The following TSHZ2 variants were observed in gnomAD, a reference collection of about 807,000 sequenced individuals.
TSHZ2 encodes the protein teashirt zinc finger homeobox 2.
TSHZ2 carries 21 observed loss-of-function variants against 74.4 expected under a neutral mutation model. That is an observed-to-expected ratio of 0.28 (90% CI 0.20 to 0.41). The LOEUF is 0.41. Among genes scored for constraint, TSHZ2 ranks in the 10% least tolerant of loss-of-function variants. The probability of loss-of-function intolerance (pLI) is 1.00; values close to 1 mark genes in which losing one functional copy is unlikely to be tolerated. For missense variants in TSHZ2, 1,244 were observed against 1,293.5 expected, an observed-to-expected ratio of 0.96 and a Z score of 0.59; for synonymous variants, 540 against 515.3, an observed-to-expected ratio of 1.05 and a Z score of -0.65.
At chr20:53,344,533 T>C (rs756362541) in intron 2 of TSHZ2, among the ~76,000 whole-genome samples, 2 of 152,046 alleles carry the variant, frequency 1.3e-5, no homozygotes, top group Non-Finnish European at 2.9e-5. Flanking sequence ...AAAGTCAAGC[T>C]GATCATTGGT....
At chr20:53,130,203 T>A (rs1987064329) in intron 1 of TSHZ2, among the ~76,000 whole-genome samples, 1 of 150,114 alleles carries the variant, frequency 6.7e-6, no homozygotes, top group African/African-American at 2.5e-5. Context: ...GTGTCTTGCA[T>A]GTGAACTGTA....
chr20:53,121,429 T>TGAGTACAAATAA (rs56060906), intron 1 of TSHZ2, among the ~76,000 whole-genome samples: 114,097 of 151,842 alleles, frequency 0.75, 43,270 homozygotes, highest in East Asian at 1. Context: ...CAGAGGATTA[T>TGAGTACAAATAA]GTTTCAGTCC....
intron 2 of TSHZ2, among the ~76,000 whole-genome samples, chr20:53,281,889 A>G (rs1419485309): frequency 1.3e-5 from 2 of 152,312 alleles, no homozygotes; most frequent in East Asian, 3.9e-4. Context: ...GCTCAAGGAT[A>G]GCCAGGGGTA....
At chr20:53,139,181 T>C (rs1036185247) in intron 1 of TSHZ2, among the ~76,000 whole-genome samples, 1 of 152,220 alleles carries the variant, frequency 6.6e-6, no homozygotes, top group Non-Finnish European at 1.5e-5. Context: ...AGACTTACTA[T>C]AACTGCTTGC....
At position 53,256,575 on chromosome 20, in the gene TSHZ2, T is replaced by G; in HGVS notation, c.*8+4T>G. 2 of 1,566,632 alleles carry G rather than the reference T, an allele frequency of 1.3e-6. No homozygotes were observed. The highest frequency in any genetic ancestry group is 1.7e-5 in the Admixed American group (1 of 57,544). ...TGGATGAAGAATAGCTCTGCAGGTA[T>G]GGGTTTGCTCTGAGGCATTGCGATT... On this transcript the variant is annotated splice_donor_region_variant and intron_variant, in intron 2 of 2. Coordinates refer to ENST00000371497, the MANE Select transcript of TSHZ2 (RefSeq NM_173485.6). This position sits in a 1 kb window ranked among gnomAD's most constrained non-coding sequence, Gnocchi z 4.3.
intron 2 of TSHZ2, among the ~76,000 whole-genome samples, chr20:53,447,806 T>C (rs1984612577): frequency 1.3e-5 from 2 of 152,244 alleles, no homozygotes; most frequent in African/African-American, 4.8e-5. Context: ...CTCTCCTCGG[T>C]GCCTCATATT....
intron 1 of TSHZ2, among the ~76,000 whole-genome samples, chr20:53,242,567 A>G (rs1990095829): frequency 6.6e-6 from 1 of 152,174 alleles, no homozygotes; most frequent in Non-Finnish European, 1.5e-5. Flanking sequence ...AGGTGTCACA[A>G]TTGCGGGCTC....
At chr20:53,101,946 T>C (rs973362945) in intron 1 of TSHZ2, among the ~76,000 whole-genome samples, 10 of 148,884 alleles carry the variant, frequency 6.7e-5, no homozygotes, top group Admixed American at 6.0e-4. Flanking sequence ...GGAGCGTCTT[T>C]TGAAATTTGT....
chr20:53,090,047 G>A (rs529127844), intron 1 of TSHZ2, among the ~76,000 whole-genome samples: 18 of 152,322 alleles, frequency 1.2e-4, no homozygotes, highest in African/African-American at 9.6e-5. Flanking sequence ...GTTTGTGGCC[G>A]AAGGCCCAAG....
At position 53,487,919 on chromosome 20, in the gene TSHZ2, T is replaced by C. The variant is rs1381510283; in HGVS notation, c.*784T>C. ...TTGATTGGCTGAAAAAAAAATAGTT[T>C]TAAGCACACACCACTGTCTATGAGA... On this transcript the variant is annotated 3_prime_UTR_variant, in exon 3 of 3. Transcript: ENST00000371497. 1.3e-5 allele frequency: 2 copies of C among 152,148 alleles called. No individual in the cohort carries two copies. The highest frequency in any genetic ancestry group is 6.5e-5 in the Admixed American group (1 of 15,268). The allele number at this position is 152,148 out of a possible 1,614,324, so 9.4% of individuals were successfully genotyped here.
Position 53,289,147 on chromosome 20 carries a change from A to C in TSHZ2, c.*8+32576A>C, listed in dbSNP as rs77197558. Among the ~76,000 whole-genome samples the C allele has an allele frequency of 1.6e-4, 24 of 151,860 alleles. No homozygotes were observed. The East Asian group carries it at 3.1e-3, about 20-fold the overall frequency. ...AGATAGCTGCAAATTCCATGATTTC[A>C]CTCCTTTTTATGGCTGAGTAGTATT... On this transcript the variant is annotated intron_variant, in intron 2 of 2. Transcript: ENST00000371497.
chr20:53,157,879 T>A (rs1304626953), intron 1 of TSHZ2, among the ~76,000 whole-genome samples: 1 of 152,136 alleles, frequency 6.6e-6, no homozygotes, highest in Non-Finnish European at 1.5e-5. Context: ...TAGTAAAGGT[T>A]CCTGACCTCA....
Position 52,973,297 on chromosome 20 carries a change from C to T in TSHZ2, c.4C>T (p.Pro2Ser). The stretch of plus-strand genomic sequence containing the variant: ...TGGGACTGGAGCGAAGTAGAGGATG[C>T]CGAGGAGAAAACAGCAGGCACCCAA... M[P>S]RRKQQAPKRA... is the part of the protein sequence containing the mutation. Residue 2 changes from proline (P) to serine (S), a missense_variant, in exon 1 of 3, where the codon CCG (proline) becomes TCG (serine). By Grantham distance (74) the Pro-to-Ser change is moderately conservative. Around this residue, in one of 6 missense-constraint regions of TSHZ2, gnomAD observed 5 missense variants for 18.6 expected, o/e 0.27. Coordinates refer to ENST00000371497, the MANE Select transcript of TSHZ2 (RefSeq NM_173485.6). The T allele has an allele frequency of 6.4e-7, 1 of 1,552,986 alleles. No homozygotes were observed. The highest frequency in any genetic ancestry group is 1.7e-4 in the Middle Eastern group (1 of 5,978).
At chr20:53,451,074 A>G (rs1379193909) in intron 2 of TSHZ2, among the ~76,000 whole-genome samples, 2 of 152,162 alleles carry the variant, frequency 1.3e-5, no homozygotes, top group Non-Finnish European at 2.9e-5. Context: ...GAAACTCCAA[A>G]CCAACATGCC....
chr20:53,336,962 T>C (rs959392797), intron 2 of TSHZ2, among the ~76,000 whole-genome samples: 3 of 152,206 alleles, frequency 2.0e-5, no homozygotes, highest in Admixed American at 6.5e-5. Flanking sequence ...TACCTATATA[T>C]GTGTATACAT....
intron 1 of TSHZ2, among the ~76,000 whole-genome samples, chr20:53,003,255 G>GGTGTGT (rs11468763): frequency 0.082 from 11,455 of 139,472 alleles, 863 homozygotes; most frequent in African/African-American, 0.2. Flanking sequence ...CTCCAGGGAT[G>GGTGTGT]GTGTGTGTGT....
At chr20:53,460,783 A>G (rs1407627203) in intron 2 of TSHZ2, among the ~76,000 whole-genome samples, 15 of 152,092 alleles carry the variant, frequency 9.9e-5, no homozygotes, top group African/African-American at 3.1e-4. Context: ...ACCCTCAGCC[A>G]CAGGTCTGTT....
chr20:53,158,360 G>A (rs950640437), intron 1 of TSHZ2, among the ~76,000 whole-genome samples: 3 of 152,160 alleles, frequency 2.0e-5, no homozygotes, highest in Admixed American at 6.5e-5. Flanking sequence ...CTGTGAGCAG[G>A]TTGACTGCAC....
intron 1 of TSHZ2, among the ~76,000 whole-genome samples, chr20:53,218,329 A>T (rs1989480690): frequency 6.6e-6 from 1 of 152,266 alleles, no homozygotes; most frequent in African/African-American, 2.4e-5. Flanking sequence ...ATTGAGATGC[A>T]TTAAGCAAGA....
Sources: gnomAD v4.1 joint callset for allele counts (sites outside exome capture counted in the v4.1 genomes callset) on GRCh38, gnomAD v4.1.1 for gene constraint, gnomAD v4.1.1 regional missense constraint, Gnocchi (gnomAD v3.1) non-coding constraint, MANE v1.5 for transcripts, NCBI Gene and HGNC (gene_info 2026-07-23, HGNC 2026-07-21) for gene names.